Variants in FGGY observed in about 807,000 individuals in gnomAD.
FGGY encodes the protein FGGY carbohydrate kinase domain-containing protein.
A neutral mutation model predicts 71.3 loss-of-function variants in FGGY; 72 were observed. The observed-to-expected ratio is 1.01, with a 90% confidence interval of 0.84 to 1.23. The LOEUF is 1.23. Ranked by LOEUF, FGGY falls within the 50% of genes most tolerant of loss-of-function variation. The pLI is 0.00. For missense variants in FGGY, 668 were observed against 682.3 expected (o/e 0.98, Z 0.23); for synonymous variants, 251 against 250.3 (o/e 1.00, Z -0.02).
chr1:59,625,951 G>A, intron 9 of FGGY, 37 bp from the exon 10 acceptor site: 1 of 1,512,124 alleles, frequency 6.6e-7, no homozygotes, highest in Non-Finnish European at 9.0e-7. Context: ...ATAAATTAAA[G>A]AAGCTATAAA....
At chr1:59,635,707 C>G (rs1334250024) in intron 10 of FGGY, among the ~76,000 whole-genome samples, 1 of 152,106 alleles carries the variant, frequency 6.6e-6, no homozygotes, top group African/African-American at 2.4e-5. Flanking sequence ...GCAGAGAGAG[C>G]AAAGAGATGG....
intron 8 of FGGY, among the ~76,000 whole-genome samples, chr1:59,593,185 T>G (rs1323112089): frequency 6.6e-6 from 1 of 152,132 alleles, no homozygotes; most frequent in Non-Finnish European, 1.5e-5. Flanking sequence ...ATTTGTTGAG[T>G]GAATCAAAAC....
chr1:59,423,890 T>G (rs757632907), intron 5 of FGGY, among the ~76,000 whole-genome samples: 4 of 152,238 alleles, frequency 2.6e-5, no homozygotes, highest in Non-Finnish European at 4.4e-5. Flanking sequence ...TTCAGCAGTT[T>G]CTTTCTTAGC....
At chr1:59,447,851 G>A (rs569715566) in intron 5 of FGGY, among the ~76,000 whole-genome samples, 1 of 152,288 alleles carries the variant, frequency 6.6e-6, no homozygotes, top group Admixed American at 6.5e-5. Context: ...TTTATCAGCA[G>A]TGTGAAAATG....
Position 59,339,922 on chromosome 1 carries a change from T to C in FGGY, c.202-36T>C, listed in dbSNP as rs755822091. On this transcript the variant is annotated intron_variant, in intron 2 of 15. Transcript: ENST00000303721. ...TGTTTTCAATCTTTAAAGACCCTGG[T>C]GTTGTAATTTATGTTTTTATTTGTT... The C allele has an allele frequency of 4.8e-6, 6 of 1,252,676 alleles. No individual in the cohort carries two copies. In the East Asian group the frequency reaches 1.4e-4, roughly 30 times the overall value. 77.6% of individuals were successfully genotyped at this position (1,252,676 alleles called of 1,614,324 possible).
chr1:59,366,691 A>AT (rs558927553), intron 4 of FGGY, among the ~76,000 whole-genome samples: 42 of 147,386 alleles, frequency 2.8e-4, no homozygotes, highest in South Asian at 1.1e-3. Flanking sequence ...AAAACTCTGC[A>AT]TTTTTTTTTT....
At chr1:59,547,111 C>T (rs959603259) in intron 7 of FGGY, among the ~76,000 whole-genome samples, 3 of 151,762 alleles carry the variant, frequency 2.0e-5, no homozygotes, top group Non-Finnish European at 4.4e-5. Flanking sequence ...TGCCACCATG[C>T]CTAGCTAATT....
At chr1:59,663,405 A>G (rs149439026) in intron 12 of FGGY, among the ~76,000 whole-genome samples, 183 of 152,338 alleles carry the variant, frequency 1.2e-3, no homozygotes, top group African/African-American at 4.2e-3. Flanking sequence ...ATTAGAAAAT[A>G]TCATTAATTT....
chr1:59,652,079 C>A (rs1332649349), intron 11 of FGGY, among the ~76,000 whole-genome samples: 6 of 151,892 alleles, frequency 4.0e-5, no homozygotes, highest in Admixed American at 2.6e-4. Flanking sequence ...TGAATATTGG[C>A]CCCCACTCTC....
At chr1:59,552,512 G>C (rs1219785211) in intron 7 of FGGY, among the ~76,000 whole-genome samples, 1 of 152,238 alleles carries the variant, frequency 6.6e-6, no homozygotes, top group Non-Finnish European at 1.5e-5. Context: ...CTCGAAAGCT[G>C]TAAGAGGCCT....
At chr1:59,499,295 G>GTTTTTTTTTT (rs1558134095) in intron 6 of FGGY, among the ~76,000 whole-genome samples, 4 of 70,112 alleles carry the variant, frequency 5.7e-5, no homozygotes, top group African/African-American at 3.2e-4. Context: ...TGTATACTAT[G>GTTTTTTTTTT]TTTGTTTTTT....
At chr1:59,734,143 CTTTTCT>C (rs1008909635) in intron 14 of FGGY, among the ~76,000 whole-genome samples, 1 of 152,160 alleles carries the variant, frequency 6.6e-6, no homozygotes, top group African/African-American at 2.4e-5. Context: ...TATCAGTTTT[CTTTTCT>C]TTTTCTTTTT....
intron 6 of FGGY, among the ~76,000 whole-genome samples, chr1:59,469,544 A>G (rs375403217): frequency 1.4e-4 from 22 of 152,338 alleles, no homozygotes; most frequent in African/African-American, 4.3e-4. Context: ...CATAATGGCA[A>G]TGAAATTTTA....
At chr1:59,712,938 A>G (rs1358093799) in intron 14 of FGGY, among the ~76,000 whole-genome samples, 1 of 152,110 alleles carries the variant, frequency 6.6e-6, no homozygotes, top group Non-Finnish European at 1.5e-5. Context: ...TTTCTTTTCT[A>G]TTGCATTGTC....
At chr1:59,386,880 T>C (rs1338810504) in intron 5 of FGGY, among the ~76,000 whole-genome samples, 1 of 152,164 alleles carries the variant, frequency 6.6e-6, no homozygotes, top group Non-Finnish European at 1.5e-5. Flanking sequence ...TATATTTCTT[T>C]ATATTAAATT....
At chr1:59,330,708 T>G (rs1449974801) in intron 2 of FGGY, among the ~76,000 whole-genome samples, 1 of 152,112 alleles carries the variant, frequency 6.6e-6, no homozygotes, top group Admixed American at 6.6e-5. Context: ...AATAGAATGG[T>G]CAGAAGCGCT....
intron 1 of FGGY, among the ~76,000 whole-genome samples, chr1:59,302,859 A>G (rs867538148): frequency 1.3e-5 from 2 of 152,050 alleles, no homozygotes; most frequent in Non-Finnish European, 2.9e-5. Flanking sequence ...ACCCCAAAAA[A>G]CCCTGTTTAG....
chr1:59,381,396 T>C (rs1311498446), intron 5 of FGGY, among the ~76,000 whole-genome samples: 4 of 152,186 alleles, frequency 2.6e-5, no homozygotes, highest in Non-Finnish European at 4.4e-5. Context: ...TATGGCCATT[T>C]TCACAATATT....
chr1:59,408,051 A>T (rs528393392), intron 5 of FGGY, among the ~76,000 whole-genome samples: 2 of 152,342 alleles, frequency 1.3e-5, no homozygotes, highest in Admixed American at 6.5e-5. Context: ...ATACTAGAAA[A>T]GATTGCCTTG....
Sources: gnomAD v4.1 joint callset for allele counts (sites outside exome capture counted in the v4.1 genomes callset) on GRCh38, gnomAD v4.1.1 for gene constraint, MANE v1.5 for transcripts, NCBI Gene and HGNC (gene_info 2026-07-23, HGNC 2026-07-21) for gene names.